OLFM1: variants seen among roughly 807,000 people sequenced by gnomAD.
OLFM1 encodes noelin.
Under a neutral mutation model 49.7 loss-of-function variants are expected in OLFM1, and 9 were observed. The ratio of observed to expected loss-of-function variants is 0.18; its 90% CI spans 0.11 to 0.32. The LOEUF is 0.32. Ranked by LOEUF, OLFM1 falls within the 10% of genes least tolerant of loss-of-function variation. The pLI is 1.00. For synonymous variants in OLFM1, 240 were observed against 271.8 expected (o/e 0.88, Z 1.15); for missense variants, 369 against 661.8 (o/e 0.56, Z 4.85).
rs543932407 is a variant in OLFM1 at position 135,090,442 on chromosome 9, G to A, written c.300+98G>A. ...TGTGCTCACACCAGCACCAAGGCTT[G>A]GCTAGCTTGCAGGCCCCATTTTGAC... On this transcript the variant is annotated intron_variant, in intron 2 of 5. Transcript: ENST00000371793. 3 of 1,309,916 alleles carry A rather than the reference G, an allele frequency of 2.3e-6. No individual in the cohort carries two copies. In the East Asian group the frequency reaches 7.7e-5, roughly 33 times the overall value. 81.1% of individuals were successfully genotyped at this position (1,309,916 alleles called of 1,614,324 possible).
chr9:135,109,268 G>A (rs1169578818), intron 5 of OLFM1, among the ~76,000 whole-genome samples: 2 of 152,242 alleles, frequency 1.3e-5, no homozygotes, highest in African/African-American at 4.8e-5. Context: ...TAGGTACCAA[G>A]GATCTGGGGC....
chr9:135,118,409 T>TGG (rs1831127476), intron 5 of OLFM1, among the ~76,000 whole-genome samples: 13 of 115,940 alleles, frequency 1.1e-4, no homozygotes, highest in African/African-American at 3.8e-4. Flanking sequence ...GAGTGCTCGC[T>TGG]GTGTCTTTGG....
chr9:135,107,220 T>C (rs1830958182), intron 5 of OLFM1, among the ~76,000 whole-genome samples: 1 of 152,254 alleles, frequency 6.6e-6, no homozygotes, highest in South Asian at 2.1e-4. Flanking sequence ...CCCTGACTTT[T>C]CCGGTCCTTG....
rs751669252 is a variant in OLFM1 at position 135,119,776 on chromosome 9, C to T, written c.1056C>T (p.His352=). The T allele has an allele frequency of 6.2e-7, 1 of 1,614,004 alleles. No individual in the cohort carries two copies. Among genetic ancestry groups the T allele is most frequent in the Non-Finnish European group, 8.5e-7 (1 of 1,180,018 alleles). The change falls in exon 6 of 6, where the codon CAC becomes CAT. Residue 352 remains histidine (H), a synonymous_variant. Transcript: ENST00000371793. ...TGTACCACTACGCCTGGGGTGGCCA[C>T]TCGGACATCGACCTCATGGTGGACG... ...NNMYHYAWGG[H]SDIDLMVDES...
At chr9:135,075,887 G>T in intron 1 of OLFM1, 3 of 1,454,188 alleles carry the variant, frequency 2.1e-6, no homozygotes, top group Non-Finnish European at 2.7e-6. Flanking sequence ...GAACGGCTCT[G>T]GCTCCGCGCC....
At chr9:135,087,430 G>A (rs1830612783), upstream of OLFM1, 1 of 1,544,626 alleles carries the variant, frequency 6.5e-7, no homozygotes, top group Non-Finnish European at 8.7e-7. Context: ...TGGAGTCCCC[G>A]CGCCGCCGCC....
chr9:135,119,452 G>A (rs62573453), intron 5 of OLFM1, 52 bp from the exon 6 acceptor site: 6 of 1,460,872 alleles, frequency 4.1e-6, no homozygotes, highest in Non-Finnish European at 5.6e-6. Context: ...GGTCTTTGGA[G>A]TACTCACTGG....
At chr9:135,083,867 G>A (rs1412128970), upstream of OLFM1, among the ~76,000 whole-genome samples, 2 of 152,228 alleles carry the variant, frequency 1.3e-5, no homozygotes, top group Non-Finnish European at 2.9e-5. Flanking sequence ...GTGGCCCTTA[G>A]CCGTTCTCCC....
chr9:135,097,094 T>TG (rs1830809905), intron 3 of OLFM1, among the ~76,000 whole-genome samples: 1 of 152,238 alleles, frequency 6.6e-6, no homozygotes, highest in African/African-American at 2.4e-5. Flanking sequence ...TAGAAACTGC[T>TG]GGTGTACTCT....
At position 135,119,832 on chromosome 9, in the gene OLFM1, A is replaced by T; in HGVS notation, c.1112A>T (p.Asn371Ile). 6.2e-7 allele frequency: 1 copy of T among 1,613,828 alleles called. No individual in the cohort carries two copies. Among genetic ancestry groups the T allele is most frequent in the Non-Finnish European group, 8.5e-7 (1 of 1,180,024 alleles). ...ESGLWAVYAT[N>I]QNAGNIVVSR... ...GGGCTGTGGGCCGTGTACGCCACCA[A>T]CCAGAACGCTGGCAACATCGTGGTC... Residue 371 changes from asparagine (N) to isoleucine (I), a missense_variant, in exon 6 of 6, where the codon AAC (asparagine) becomes ATC (isoleucine). By Grantham distance (149) the Asn-to-Ile change is moderately radical. Transcript: ENST00000371793.
chr9:135,083,586 A>T (rs1830558893), upstream of OLFM1, among the ~76,000 whole-genome samples: 1 of 152,114 alleles, frequency 6.6e-6, no homozygotes, highest in Non-Finnish European at 1.5e-5. Context: ...GCTGACACTG[A>T]GGGAAAGGGG....
upstream of OLFM1, chr9:135,087,114 G>A: frequency 2.2e-6 from 2 of 889,654 alleles, no homozygotes; most frequent in Non-Finnish European, 3.2e-6. Flanking sequence ...CACCGCGGCT[G>A]CCCTGGGATC....
At chr9:135,084,380 T>A (rs533970452), upstream of OLFM1, among the ~76,000 whole-genome samples, 1 of 149,376 alleles carries the variant, frequency 6.7e-6, no homozygotes, top group Non-Finnish European at 1.5e-5. This position sits in a 1 kb window ranked among gnomAD's most constrained non-coding sequence, Gnocchi z 4.6. Flanking sequence ...CTTCTCTCTC[T>A]CCTCTCTGTC....
At chr9:135,077,117 G>A in intron 1 of OLFM1, 1 of 1,550,580 alleles carries the variant, frequency 6.4e-7, no homozygotes, top group Non-Finnish European at 8.7e-7. Context: ...TGGTGGTTGT[G>A]CACTGTTGCT....
intron 2 of OLFM1, 46 bp downstream of exon 2, chr9:135,090,390 G>T (rs201073165): frequency 0.11 from 23,636 of 222,890 alleles, 15 homozygotes; most frequent in South Asian, 0.17. Flanking sequence ...GTGTGTTTGT[G>T]TGTGTGTGTG....
At chr9:135,079,778 G>A (rs7870680) in intron 1 of OLFM1, among the ~76,000 whole-genome samples, 2,186 of 152,190 alleles carry the variant, frequency 0.014, 38 homozygotes, top group African/African-American at 0.047. Flanking sequence ...TCCCCAGGCC[G>A]GGCCTGGCCT....
intron 4 of OLFM1, among the ~76,000 whole-genome samples, chr9:135,104,052 G>C (rs1830905524): frequency 6.6e-6 from 1 of 152,222 alleles, no homozygotes; most frequent in Non-Finnish European, 1.5e-5. Flanking sequence ...GGAGGAAACA[G>C]GGTGAGTGCA....
chr9:135,090,487 A>C, intron 2 of OLFM1, 143 bp downstream of exon 2: 2 of 848,382 alleles, frequency 2.4e-6, no homozygotes, highest in South Asian at 3.6e-5. Context: ...GTTTGTCTCC[A>C]CTCAAAATAT....
At chr9:135,107,443 G>A (rs1049503620) in intron 5 of OLFM1, among the ~76,000 whole-genome samples, 2 of 152,192 alleles carry the variant, frequency 1.3e-5, no homozygotes, top group African/African-American at 4.8e-5. Context: ...TTATCTGGGG[G>A]GCTGGGTTTT....
Sources: gnomAD v4.1 joint callset for allele counts (sites outside exome capture counted in the v4.1 genomes callset) on GRCh38, gnomAD v4.1.1 for gene constraint, Gnocchi (gnomAD v3.1) non-coding constraint, MANE v1.5 for transcripts, NCBI Gene and HGNC (gene_info 2026-07-23, HGNC 2026-07-21) for gene names.